RRAGD: variants seen among roughly 807,000 people sequenced by gnomAD.
The protein encoded by RRAGD is ras-related GTP-binding protein D.
A neutral mutation model predicts 35.5 loss-of-function variants in RRAGD; 12 were observed. The ratio of observed to expected loss-of-function variants is 0.34; its 90% confidence interval spans 0.22 to 0.55. RRAGD has a LOEUF of 0.55. RRAGD is among the 20% of genes least tolerant of loss of function. The pLI, the probability that RRAGD is intolerant of heterozygous loss-of-function variation, is 0.91. For missense variants in RRAGD, 324 were observed against 490.1 expected, an observed-to-expected ratio of 0.66 and a Z score of 3.20; for synonymous variants, 155 against 178.9, an observed-to-expected ratio of 0.87 and a Z score of 1.07.
chr6:89,403,825 T>C (rs1352472034), intron 1 of RRAGD, among the ~76,000 whole-genome samples: 1 of 151,898 alleles, frequency 6.6e-6, no homozygotes, highest in East Asian at 1.9e-4. Flanking sequence ...ATTTTTTTTG[T>C]TGGGGGATGG....
At position 89,365,799 on chromosome 6, in the gene RRAGD, T is replaced by C. The variant is rs998442205; in HGVS notation, c.*2257A>G. On this transcript the variant is annotated 3_prime_UTR_variant, in exon 7 of 7. Transcript: ENST00000369415. ...CATGGAAGCTCCAACCTGGTTATAG[T>C]AATAAATATACCTAAGTAATGTGTG... is the stretch of plus-strand genomic sequence containing the variant. The C allele has an allele frequency of 1.3e-5, 2 of 152,234 alleles. No homozygotes were observed. The highest frequency in any genetic ancestry group is 4.8e-5 in the African/African-American group (2 of 41,448). The allele number at this position is 152,234 out of a possible 1,614,324, so 9.4% of individuals were successfully genotyped here.
At chr6:89,393,629 A>G (rs1347688512) in intron 1 of RRAGD, among the ~76,000 whole-genome samples, 1 of 152,236 alleles carries the variant, frequency 6.6e-6, no homozygotes, top group Non-Finnish European at 1.5e-5. Context: ...GAAGAGCACT[A>G]TCAGAGGTGG....
chr6:89,393,260 G>GA, intron 1 of RRAGD, among the ~76,000 whole-genome samples: 1 of 152,354 alleles, frequency 6.6e-6, no homozygotes, highest in Admixed American at 6.5e-5. Context: ...ACACAAAGAT[G>GA]AGATTGAAGA....
chr6:89,372,856 C>T (rs1047211048), intron 5 of RRAGD, among the ~76,000 whole-genome samples: 3 of 152,234 alleles, frequency 2.0e-5, no homozygotes, highest in Non-Finnish European at 2.9e-5. Flanking sequence ...ATGAGGTTAG[C>T]TCTCCCCACC....
Position 89,412,225 on chromosome 6 carries a change from C to T in RRAGD, c.-232G>A. The T allele has an allele frequency of 3.5e-6, 1 of 288,068 alleles. No homozygotes were observed. The highest frequency in any genetic ancestry group is 9.8e-4 in the Middle Eastern group (1 of 1,018). 17.8% of individuals were successfully genotyped at this position (288,068 alleles called of 1,614,324 possible). On this transcript the variant is annotated 5_prime_UTR_variant, in exon 1 of 7. Transcript: ENST00000369415. The surrounding 1 kb of genome is among the most constrained non-coding windows in gnomAD (Gnocchi z 4.2). ...CCGCCCCGCCCGCCGGCGGAGGAGT[C>T]AGCCGGAGCGCGGCAGTTCCTCCCG...
At chr6:89,400,026 AC>A (rs1167958272) in intron 1 of RRAGD, among the ~76,000 whole-genome samples, 80 of 152,232 alleles carry the variant, frequency 5.3e-4, no homozygotes, top group African/African-American at 1.9e-3. Flanking sequence ...TGGAGTGCTC[AC>A]CCAGAACCTT....
In RRAGD at chr6:89,375,477, G is replaced by T. The variant is rs1401296976; in HGVS notation, c.902+2194C>A. ...TGTGTGTGTGCATATATGTGCGTGTGCATGTGTGTGCATGAGTGAGCACAG... is the reference window on the plus strand; with the variant it reads ...TGTGTGTGTGCATATATGTGCGTGTTCATGTGTGTGCATGAGTGAGCACAG... On this transcript the variant is annotated intron_variant, in intron 5 of 6. Coordinates refer to ENST00000369415, the MANE Select transcript of RRAGD (RefSeq NM_021244.5). Among the ~76,000 whole-genome samples, 3 of 140,538 alleles carry T rather than the reference G, an allele frequency of 2.1e-5. No individual in the cohort carries two copies. In the East Asian group the frequency reaches 1.1e-3, roughly 50 times the overall value. 92.2% of individuals were successfully genotyped at this position (140,538 alleles called of 152,430 possible). A position where few individuals can be genotyped will look rare whatever the true frequency, so the allele number is the denominator to read the frequency against.
At position 89,411,771 on chromosome 6, in the gene RRAGD, G is replaced by T. The variant is rs939139327; in HGVS notation, c.148+75C>A. On this transcript the variant is annotated intron_variant, in intron 1 of 6. Transcript: ENST00000369415. The surrounding 1 kb of genome is among the most constrained non-coding windows in gnomAD (Gnocchi z 5.6). ...CCCTCCAAGTCGGTGGCTCGCGCAC[G>T]GCCGGGCTGGGGGCGGGAAGGCGCC... 12 of 1,461,402 alleles carry T rather than the reference G, an allele frequency of 8.2e-6. No homozygotes were observed. The highest frequency in any genetic ancestry group is 2.6e-5 in the South Asian group (2 of 77,780). The allele number at this position is 1,461,402 out of a possible 1,614,324, so 90.5% of individuals were successfully genotyped here. A position where few individuals can be genotyped will look rare whatever the true frequency, so the allele number is the denominator to read the frequency against.
intron 1 of RRAGD, among the ~76,000 whole-genome samples, chr6:89,399,658 T>C (rs1769414162): frequency 6.6e-6 from 1 of 152,128 alleles, no homozygotes; most frequent in South Asian, 2.1e-4. Context: ...CTCGTGCCTA[T>C]AGTCCCAGCT....
At chr6:89,383,960 A>G (rs149365790) in intron 2 of RRAGD, among the ~76,000 whole-genome samples, 13 of 152,150 alleles carry the variant, frequency 8.5e-5, no homozygotes, top group Non-Finnish European at 1.3e-4. Flanking sequence ...TGTCTCTACT[A>G]AAAATATAAA....
intron 1 of RRAGD, among the ~76,000 whole-genome samples, chr6:89,390,985 GC>G (rs1398876526): frequency 6.6e-6 from 1 of 151,928 alleles, no homozygotes; most frequent in African/African-American, 2.4e-5. Flanking sequence ...ATATATCCAG[GC>G]AAAAACTTCT....
At chr6:89,371,685 G>A (rs1282797069) in intron 6 of RRAGD, among the ~76,000 whole-genome samples, 1 of 152,108 alleles carries the variant, frequency 6.6e-6, no homozygotes, top group African/African-American at 2.4e-5. Flanking sequence ...TTCAGGATAT[G>A]TAACTATTTG....
rs1769698331 is a variant in RRAGD, at chr6:89,411,717, A to G, written c.148+129T>C. 2 of 1,069,980 alleles carry G rather than the reference A, an allele frequency of 1.9e-6. No individual in the cohort carries two copies. The highest frequency in any genetic ancestry group is 2.6e-6 in the Non-Finnish European group (2 of 767,304). The allele number at this position is 1,069,980 out of a possible 1,614,324, so 66.3% of individuals were successfully genotyped here. ...CTTTTGGCGTCCCTCCCCACCCCAA[A>G]CCCTCAACTGGACCCGCTCCCCTGG... On this transcript the variant is annotated intron_variant, in intron 1 of 6. Transcript: ENST00000369415. The surrounding 1 kb of genome is among the most constrained non-coding windows in gnomAD (Gnocchi z 5.6).
At position 89,396,553 on chromosome 6, in the gene RRAGD, AG is replaced by A. The variant is rs1231341600; in HGVS notation, c.149-8964del. ...TGATCCTCCTGGACTCAGCCTCCAG[AG>A]GAGCTGGGACTACAGGCGCGCCCCA... On this transcript the variant is annotated intron_variant, in intron 1 of 6. Coordinates refer to ENST00000369415, the MANE Select transcript of RRAGD (RefSeq NM_021244.5). Among the ~76,000 whole-genome samples, 4 of 151,218 alleles carry A rather than the reference AG, an allele frequency of 2.6e-5. No homozygotes were observed. The East Asian group carries it at 7.8e-4, about 30-fold the overall frequency.
intron 1 of RRAGD, among the ~76,000 whole-genome samples, chr6:89,389,244 A>G (rs1475502781): frequency 6.6e-6 from 1 of 152,134 alleles, no homozygotes; most frequent in Non-Finnish European, 1.5e-5. Context: ...TAGAGGGATT[A>G]GGCATTACTG....
chr6:89,409,948 C>A (rs955897937), intron 1 of RRAGD, among the ~76,000 whole-genome samples: 1 of 152,138 alleles, frequency 6.6e-6, no homozygotes, highest in Admixed American at 6.6e-5. Flanking sequence ...ATAGCAAGAT[C>A]CCAAGCTGAT....
intron 4 of RRAGD, among the ~76,000 whole-genome samples, chr6:89,378,270 C>A (rs1044063878): frequency 6.6e-6 from 1 of 151,594 alleles, no homozygotes; most frequent in Non-Finnish European, 1.5e-5. Flanking sequence ...CCATTGCACT[C>A]CAGCCTGGGC....
Position 89,411,794 on chromosome 6 carries a change from G to T in RRAGD, c.148+52C>A. 3 of 1,512,668 alleles carry T rather than the reference G, an allele frequency of 2.0e-6. No individual in the cohort carries two copies. The highest frequency in any genetic ancestry group is 2.6e-6 in the Non-Finnish European group (3 of 1,132,488). 93.7% of individuals were successfully genotyped at this position (1,512,668 alleles called of 1,614,324 possible). On this transcript the variant is annotated intron_variant, in intron 1 of 6. Transcript: ENST00000369415. This position sits in a 1 kb window ranked among gnomAD's most constrained non-coding sequence, Gnocchi z 5.6. ...ACGGCCGGGCTGGGGGCGGGAAGGC[G>T]CCAAGGGGAGGAAAGGGGCGCGAGC... is the stretch of plus-strand genomic sequence containing the variant.
intron 1 of RRAGD, among the ~76,000 whole-genome samples, chr6:89,396,524 C>G (rs1769334281): frequency 6.6e-6 from 1 of 151,752 alleles, no homozygotes; most frequent in African/African-American, 2.4e-5. Context: ...CTCTCAGGCT[C>G]AAGTGATCCT....
Sources: gnomAD v4.1 joint callset for allele counts (sites outside exome capture counted in the v4.1 genomes callset) on GRCh38, gnomAD v4.1.1 for gene constraint, Gnocchi (gnomAD v3.1) non-coding constraint, MANE v1.5 for transcripts, NCBI Gene and HGNC (gene_info 2026-07-23, HGNC 2026-07-21) for gene names.